Variants in STX18 observed in about 807,000 individuals in gnomAD.
The protein encoded by STX18 is syntaxin-18.
In STX18, 40 loss-of-function variants were observed where a neutral mutation model predicts 50.1. The ratio of observed to expected loss-of-function variants is 0.80; its 90% CI spans 0.62 to 1.04. The LOEUF is 1.04. Ranked by LOEUF, STX18 falls within the 50% of genes least tolerant of loss-of-function variation. The probability of loss-of-function intolerance (pLI) is 0.00; values close to 1 mark genes in which losing one functional copy is unlikely to be tolerated. For synonymous variants in STX18, 158 were observed against 151.8 expected, an observed-to-expected ratio of 1.04 and a Z score of -0.30; for missense variants, 410 against 415.8, an observed-to-expected ratio of 0.99 and a Z score of 0.12.
At chr4:4,426,986 A>G (rs28672142) in intron 7 of STX18, among the ~76,000 whole-genome samples, 42,249 of 152,118 alleles carry the variant, frequency 0.28, 9,360 homozygotes, top group African/African-American at 0.62. Context: ...CTGATACCTC[A>G]GGGCAGACTG....
chr4:4,431,229 A>C (rs1253959566), intron 7 of STX18, among the ~76,000 whole-genome samples: 1 of 152,248 alleles, frequency 6.6e-6, no homozygotes, highest in Non-Finnish European at 1.5e-5. Context: ...ACTCTTCTTA[A>C]ATACAAACGT....
chr4:4,423,499 T>G lies in STX18; in HGVS notation c.831+19A>C. ...CCTTTGAGTGAAAACATACAGCTCC[T>G]TTGTTTTTGTTTTTTTACCTGTTGC... On this transcript the variant is annotated intron_variant, in intron 9 of 10. Coordinates refer to ENST00000306200, the MANE Select transcript of STX18 (RefSeq NM_016930.4). 6.2e-7 allele frequency: 1 copy of G among 1,613,344 alleles called. No homozygotes were observed.
At chr4:4,525,450 A>G (rs1045571539) in intron 1 of STX18, among the ~76,000 whole-genome samples, 1 of 152,210 alleles carries the variant, frequency 6.6e-6, no homozygotes, top group Non-Finnish European at 1.5e-5. Context: ...GTGTTGATTC[A>G]TTTAGTTTGG....
At chr4:4,437,831 CTG>C (rs1181973935) in intron 6 of STX18, among the ~76,000 whole-genome samples, 1 of 152,364 alleles carries the variant, frequency 6.6e-6, no homozygotes, top group East Asian at 1.9e-4. Context: ...CATGACCACA[CTG>C]TGTATGTCCC....
chr4:4,431,035 C>T (rs1348400457), intron 7 of STX18, among the ~76,000 whole-genome samples: 1 of 152,154 alleles, frequency 6.6e-6, no homozygotes, highest in Non-Finnish European at 1.5e-5. Context: ...CTCACACCTA[C>T]AGGCTGCTAA....
chr4:4,506,097 G>C (rs1729694224), intron 1 of STX18, among the ~76,000 whole-genome samples: 1 of 152,096 alleles, frequency 6.6e-6, no homozygotes. Flanking sequence ...TTCACTACTT[G>C]AGTATTATGA....
chr4:4,541,253 G>A (rs1458201162), intron 1 of STX18, among the ~76,000 whole-genome samples: 2 of 152,198 alleles, frequency 1.3e-5, no homozygotes, highest in East Asian at 1.9e-4. Flanking sequence ...AGTAGTTGAG[G>A]TGACTGTAAC....
intron 1 of STX18, among the ~76,000 whole-genome samples, chr4:4,519,946 G>A (rs999159290): frequency 4.6e-5 from 7 of 152,116 alleles, no homozygotes; most frequent in Non-Finnish European, 1.0e-4. Context: ...ATCTATAAAA[G>A]AATATCATTT....
intron 7 of STX18, among the ~76,000 whole-genome samples, chr4:4,431,797 G>C (rs1348099919): frequency 6.6e-6 from 1 of 152,098 alleles, no homozygotes; most frequent in Admixed American, 6.5e-5. Context: ...CTTCAGTGCA[G>C]GCCATTTCCT....
chr4:4,488,173 C>A (rs773235163), intron 1 of STX18, among the ~76,000 whole-genome samples: 3 of 152,028 alleles, frequency 2.0e-5, no homozygotes. Context: ...GTGAGGTGAA[C>A]AGATTAGCAG....
intron 2 of STX18, among the ~76,000 whole-genome samples, chr4:4,469,262 TG>T (rs1727788478): frequency 6.6e-6 from 1 of 152,132 alleles, no homozygotes; most frequent in Non-Finnish European, 1.5e-5. Flanking sequence ...GAACTAAGAA[TG>T]GTTAAAGGTT....
At chr4:4,472,966 A>C (rs1727995301) in intron 1 of STX18, among the ~76,000 whole-genome samples, 1 of 152,240 alleles carries the variant, frequency 6.6e-6, no homozygotes, top group Non-Finnish European at 1.5e-5. Flanking sequence ...AAAAGAATTA[A>C]GTATGGTCAC....
chr4:4,495,695 A>C (rs1206603170), intron 1 of STX18, among the ~76,000 whole-genome samples: 1 of 150,188 alleles, frequency 6.7e-6, no homozygotes, highest in African/African-American at 2.5e-5. Context: ...CTAAACGCAA[A>C]AACAAAGATA....
chr4:4,521,203 C>A (rs983715184), intron 1 of STX18, among the ~76,000 whole-genome samples: 1 of 152,170 alleles, frequency 6.6e-6, no homozygotes, highest in African/African-American at 2.4e-5. Context: ...GGCCTGGTTT[C>A]CTTTAGGTCC....
chr4:4,521,200 T>C (rs1730495929), intron 1 of STX18, among the ~76,000 whole-genome samples: 1 of 152,104 alleles, frequency 6.6e-6, no homozygotes, highest in African/African-American at 2.4e-5. Flanking sequence ...CAAGGCCTGG[T>C]TTCCTTTAGG....
At chr4:4,506,609 C>A (rs1729717633) in intron 1 of STX18, among the ~76,000 whole-genome samples, 1 of 152,148 alleles carries the variant, frequency 6.6e-6, no homozygotes, top group African/African-American at 2.4e-5. Flanking sequence ...ACAAAACACA[C>A]ATACACACAC....
At chr4:4,446,950 T>C (rs1255892505) in intron 5 of STX18, among the ~76,000 whole-genome samples, 13 of 152,192 alleles carry the variant, frequency 8.5e-5, no homozygotes, top group Non-Finnish European at 1.9e-4. Flanking sequence ...TGCAATACCA[T>C]TCAGCAATGA....
rs140699380 is a variant in STX18 at position 4,541,966 on chromosome 4, G to C, written c.-2C>G. 2.7e-3 allele frequency: 4,337 copies of C among 1,601,122 alleles called. 37 individuals carry two copies. The highest frequency in any genetic ancestry group is 0.014 in the Middle Eastern group (68 of 4,740). ...TAGCAGCGTGATGTCCACCGCCATAGCGACCCGCACCCTCAGCCCCACACT... is the reference window on the plus strand; with the variant it reads ...TAGCAGCGTGATGTCCACCGCCATACCGACCCGCACCCTCAGCCCCACACT... On this transcript the variant is annotated 5_prime_UTR_variant, in exon 1 of 11. Coordinates refer to ENST00000306200, the MANE Select transcript of STX18 (RefSeq NM_016930.4).
At chr4:4,460,561 T>G (rs961278530) in intron 2 of STX18, among the ~76,000 whole-genome samples, 1 of 152,108 alleles carries the variant, frequency 6.6e-6, no homozygotes, top group African/African-American at 2.4e-5. Context: ...ATAAGCATCC[T>G]CTCCTCCCTT....
Sources: gnomAD v4.1 joint callset for allele counts (sites outside exome capture counted in the v4.1 genomes callset) on GRCh38, gnomAD v4.1.1 for gene constraint, MANE v1.5 for transcripts, NCBI Gene and HGNC (gene_info 2026-07-23, HGNC 2026-07-21) for gene names.